ACSL6: variants seen among roughly 807,000 people sequenced by gnomAD.
ACSL6 encodes the protein acyl-CoA synthetase long chain family member 6, also known as long-chain-fatty-acid--CoA ligase 6.
In ACSL6, 47 loss-of-function variants were observed where a neutral mutation model predicts 98.2. That is an observed-to-expected ratio of 0.48 (90% CI 0.38 to 0.61). The LOEUF is 0.61. Among genes scored for constraint, ACSL6 ranks in the 20% least tolerant of loss-of-function variants. ACSL6 has a pLI of 0.00. For missense variants in ACSL6, 761 were observed against 913.4 expected (o/e 0.83, Z 2.15); for synonymous variants, 362 against 336.9 (o/e 1.07, Z -0.82).
upstream of ACSL6, chr5:132,012,157 T>A: frequency 2.1e-6 from 1 of 485,366 alleles, no homozygotes; most frequent in Admixed American, 4.2e-5. Flanking sequence ...GGACCCGAGT[T>A]TGCAGACATG....
rs1433526098 is a variant in ACSL6 at position 131,989,464 on chromosome 5, G to A, written c.495C>T (p.His165=). 9 of 1,613,824 alleles carry A rather than the reference G, an allele frequency of 5.6e-6. No homozygotes were observed. The highest frequency in any genetic ancestry group is 7.6e-6 in the Non-Finnish European group (9 of 1,179,956). The change falls in exon 5 of 21, where the codon CAC becomes CAT. Residue 165 remains histidine, a synonymous_variant. Coordinates refer to ENST00000651883, the MANE Select transcript of ACSL6 (RefSeq NM_001009185.3). ...ACTGATCAGTGCATGCTTTACAATT[G>A]TGCTGGAGAAGTCCGGACCCCAGAA... ...AEFLGSGLLQ[H]NCKACTDQFI...
rs1754155091 is a variant in ACSL6 at position 131,985,959 on chromosome 5, C to T, written c.865-501G>A. ...TCAGCCCTTGCCCTGGCACTGGGCA[C>T]ATAGTCTGGGGTCACCAGAAGGAGC... On this transcript the variant is annotated intron_variant, in intron 8 of 20. Coordinates refer to ENST00000651883, the MANE Select transcript of ACSL6 (RefSeq NM_001009185.3). Among the ~76,000 whole-genome samples the T allele has an allele frequency of 1.3e-5, 2 of 152,206 alleles. 1 individual carries two copies. The highest frequency in any genetic ancestry group is 4.1e-4 in the South Asian group (2 of 4,832).
Position 132,011,546 on chromosome 5 carries a change from G to A in ACSL6, c.8C>T (p.Thr3Ile), listed in dbSNP as rs1237262855. Reference protein sequence around the residue: MLTFFLVSGGSLW... With the variant: MLIFFLVSGGSLW... Reference sequence around the variant, plus strand: ...GGAGCCCCCCGACACGAGGAAGAAGGTCAGCATGGCGGTCAGCGGGGCCCG... The same window carrying A: ...GGAGCCCCCCGACACGAGGAAGAAGATCAGCATGGCGGTCAGCGGGGCCCG... Residue 3 changes from threonine (T) to isoleucine (I), a missense_variant, in exon 1 of 21, where the codon ACC (threonine) becomes ATC (isoleucine). By Grantham distance (89) the Thr-to-Ile change is moderately conservative (BLOSUM62 -1). Coordinates refer to ENST00000651883, the MANE Select transcript of ACSL6 (RefSeq NM_001009185.3). This position sits in a 1 kb window ranked among gnomAD's most constrained non-coding sequence, Gnocchi z 5.4. 2 of 1,599,600 alleles carry A rather than the reference G, an allele frequency of 1.3e-6. No individual in the cohort carries two copies. The highest frequency in any genetic ancestry group is 2.3e-5 in the East Asian group (1 of 42,676).
chr5:131,972,706 A>C lies in ACSL6; in HGVS notation c.1338+18T>G. 6.2e-7 allele frequency: 1 copy of C among 1,613,948 alleles called. No individual in the cohort carries two copies. The highest frequency in any genetic ancestry group is 8.5e-7 in the Non-Finnish European group (1 of 1,179,952). The stretch of plus-strand genomic sequence containing the variant: ...GATACTTAGGTGTCACTCTATAATC[A>C]CTTGTTCATTTTCTTACCTGAATCT... On this transcript the variant is annotated intron_variant, in intron 13 of 20. Transcript: ENST00000651883.
chr5:131,972,858 T>A lies in ACSL6; in HGVS notation c.1204A>T (p.Ile402Phe), dbSNP rs1317301622. Residue 402 changes from isoleucine (I) to phenylalanine (F), a missense_variant and splice_region_variant, in exon 13 of 21, where the codon ATC (isoleucine) becomes TTC (phenylalanine). Ile to Phe is a conservative substitution (Grantham distance 21). Coordinates refer to ENST00000651883, the MANE Select transcript of ACSL6 (RefSeq NM_001009185.3). ...AATGGTGTGTTTGCCTGGCTGAAGATCTGAGGAACATAAGTTGGAAGCAGC... is the reference window on the plus strand; with the variant it reads ...AATGGTGTGTTTGCCTGGCTGAAGAACTGAGGAACATAAGTTGGAAGCAGC... The part of the protein sequence containing the change: ...PRLLNRMYDK[I>F]FSQANTPLKR... 1.2e-6 allele frequency: 2 copies of A among 1,614,014 alleles called. No individual in the cohort carries two copies. Among genetic ancestry groups the A allele is most frequent in the Admixed American group, 3.3e-5 (2 of 60,012 alleles).
Position 132,011,339 on chromosome 5 carries a change from G to C in ACSL6, c.49+166C>G, listed in dbSNP as rs1043864474. On this transcript the variant is annotated intron_variant, in intron 1 of 20. Transcript: ENST00000651883. The surrounding 1 kb of genome is among the most constrained non-coding windows in gnomAD (Gnocchi z 5.4). The stretch of plus-strand genomic sequence containing the variant: ...ACCCGGCCCGGAGCCCGCGAGAACT[G>C]GGGGCGGAGGGTGTACTTAGGCGGC... 4.3e-6 allele frequency: 3 copies of C among 695,730 alleles called. No homozygotes were observed. Among genetic ancestry groups the C allele is most frequent in the Middle Eastern group, 2.8e-4 (1 of 3,582 alleles). 43.1% of individuals were successfully genotyped at this position (695,730 alleles called of 1,614,324 possible). A position where few individuals can be genotyped will look rare whatever the true frequency, so the allele number is the denominator to read the frequency against.
At position 131,988,816 on chromosome 5, in the gene ACSL6, A is replaced by T; in HGVS notation, c.641T>A (p.Ile214Asn). ...GGCAGTGGGCTTACCTGTATTGATG[A>T]TGTAGCGGATAGCCCCAGGGCCCAG... ...DTLGPGAIRYIINTADISTVI... is the reference protein window; with the variant it reads ...DTLGPGAIRYNINTADISTVI... The change falls in exon 6 of 21, where the codon ATC becomes AAC. Residue 214 changes from isoleucine (I) to asparagine (N), a missense_variant. Ile to Asn is a moderately radical substitution (Grantham distance 149). Coordinates refer to ENST00000651883, the MANE Select transcript of ACSL6 (RefSeq NM_001009185.3). 2 of 1,613,008 alleles carry T rather than the reference A, an allele frequency of 1.2e-6. No homozygotes were observed. Among genetic ancestry groups the T allele is most frequent in the Non-Finnish European group, 1.7e-6 (2 of 1,179,522 alleles).
At chr5:131,985,884 G>A (rs191648188) in intron 8 of ACSL6, among the ~76,000 whole-genome samples, 2 of 152,330 alleles carry the variant, frequency 1.3e-5, no homozygotes, top group East Asian at 1.9e-4. Context: ...TTGGGAGCAC[G>A]TGTGGCTTGG....
chr5:132,011,916 G>C, upstream of ACSL6: 1 of 1,556,984 alleles, frequency 6.4e-7, no homozygotes, highest in Non-Finnish European at 8.7e-7. The surrounding 1 kb of genome is among the most constrained non-coding windows in gnomAD (Gnocchi z 5.4). Flanking sequence ...GTCAGTACCT[G>C]GCATTCTGCG....
intron 20 of ACSL6, among the ~76,000 whole-genome samples, chr5:131,957,373 G>T (rs1752466652): frequency 6.6e-6 from 1 of 152,176 alleles, no homozygotes; most frequent in African/African-American, 2.4e-5. Context: ...AATTAATAAG[G>T]CATATAAATG....
rs1055929411 is a variant in ACSL6 at position 131,953,595 on chromosome 5, C to T, written c.*639G>A. ...ACTCCAGCCTAGGTGACAGAGCAGACCCTGTCTCAAAACAAAAAGGAAAAA... is the reference window on the plus strand; with the variant it reads ...ACTCCAGCCTAGGTGACAGAGCAGATCCTGTCTCAAAACAAAAAGGAAAAA... On this transcript the variant is annotated 3_prime_UTR_variant, in exon 21 of 21. Transcript: ENST00000651883. 5.3e-6 allele frequency: 1 copy of T among 187,390 alleles called. No homozygotes were observed. Among genetic ancestry groups the T allele is most frequent in the African/African-American group, 2.3e-5 (1 of 42,674 alleles). 11.6% of individuals were successfully genotyped at this position (187,390 alleles called of 1,614,324 possible).
At chr5:131,955,083 C>T (rs910627283) in intron 20 of ACSL6, among the ~76,000 whole-genome samples, 7 of 152,084 alleles carry the variant, frequency 4.6e-5, no homozygotes, top group African/African-American at 1.7e-4. Context: ...TGGCTGAATA[C>T]ACATTTTGGA....
At chr5:131,972,004 T>A (rs1303534191) in intron 13 of ACSL6, among the ~76,000 whole-genome samples, 1 of 152,240 alleles carries the variant, frequency 6.6e-6, no homozygotes, top group Non-Finnish European at 1.5e-5. Flanking sequence ...AACAATTACT[T>A]AGGACAATTT....
intron 20 of ACSL6, among the ~76,000 whole-genome samples, chr5:131,956,983 A>G (rs1350682336): frequency 6.6e-6 from 1 of 152,228 alleles, no homozygotes; most frequent in African/African-American, 2.4e-5. Context: ...TAATTCAGAA[A>G]TACTGTAACA....
At chr5:131,996,735 T>C (rs1022803742) in intron 1 of ACSL6, among the ~76,000 whole-genome samples, 11 of 152,226 alleles carry the variant, frequency 7.2e-5, no homozygotes, top group Non-Finnish European at 1.6e-4. Context: ...CCATCTGTCT[T>C]TCAACGCATC....
rs142929535 is a variant in ACSL6, at chr5:131,991,656, G to A, written c.271-689C>T. 8.5e-5 allele frequency among the ~76,000 whole-genome samples: 13 copies of A among 152,144 alleles called. No individual in the cohort carries two copies. In the East Asian group the frequency reaches 2.3e-3, roughly 27 times the overall value. ...CCTCTGTGCTGGTGAGTAGGGTGAG[G>A]AGCCAGCCTTCTCCTGCCTCCTCCC... On this transcript the variant is annotated intron_variant, in intron 2 of 20. Coordinates refer to ENST00000651883, the MANE Select transcript of ACSL6 (RefSeq NM_001009185.3).
intron 18 of ACSL6, among the ~76,000 whole-genome samples, chr5:131,961,474 C>A (rs896656622): frequency 6.7e-6 from 1 of 150,206 alleles, no homozygotes; most frequent in Non-Finnish European, 1.5e-5. Context: ...AGGCACAACA[C>A]TTGAGGTCAG....
At chr5:131,996,805 C>T (rs1336951074) in intron 1 of ACSL6, among the ~76,000 whole-genome samples, 4 of 152,176 alleles carry the variant, frequency 2.6e-5, no homozygotes, top group Non-Finnish European at 4.4e-5. Flanking sequence ...TGCCCTCGGT[C>T]CCCTGGGAAG....
In ACSL6 at chr5:131,976,717, G is replaced by T. The variant is rs761271407; in HGVS notation, c.921C>A (p.Asn307Lys). 6.2e-7 allele frequency: 1 copy of T among 1,614,064 alleles called. No homozygotes were observed. Among genetic ancestry groups the T allele is most frequent in the Non-Finnish European group, 8.5e-7 (1 of 1,179,942 alleles). ...CATGGGTGAGCATCGCACCTTTTGG[G>T]TTCCCTATAAAAAGAAAGCAAGAAG... ...IVCFTSGTTG[N>K]PKGAMLTHGN... The change falls in exon 10 of 21, where the codon AAC becomes AAA. Residue 307 changes from asparagine to lysine, a missense_variant. Coordinates refer to ENST00000651883, the MANE Select transcript of ACSL6 (RefSeq NM_001009185.3).
Sources: allele counts gnomAD v4.1 joint callset (sites outside exome capture counted in the v4.1 genomes callset), GRCh38; gene constraint gnomAD v4.1.1; non-coding constraint Gnocchi (gnomAD v3.1); transcripts MANE v1.5; gene names NCBI Gene and HGNC (gene_info 2026-07-23, HGNC 2026-07-21).